Variants in SYT7 observed in about 807,000 individuals in gnomAD.
The protein encoded by SYT7 is synaptotagmin 7.
SYT7 carries 29 observed loss-of-function variants against 75.1 expected under a neutral mutation model. That is an observed-to-expected ratio of 0.39 (90% CI 0.29 to 0.53). The LOEUF is 0.53. Ranked by LOEUF, SYT7 falls within the 20% of genes least tolerant of loss-of-function variation. SYT7 has a pLI of 0.77. For synonymous variants in SYT7, 376 were observed against 401.7 expected, an observed-to-expected ratio of 0.94 and a Z score of 0.76; for missense variants, 693 against 953.2, an observed-to-expected ratio of 0.73 and a Z score of 3.59.
intron 1 of SYT7, among the ~76,000 whole-genome samples, chr11:61,562,691 CA>C (rs1450940054): frequency 6.6e-6 from 1 of 152,106 alleles, no homozygotes; most frequent in Non-Finnish European, 1.5e-5. Context: ...AGGGCTTGAC[CA>C]AAGCAAGCAT....
chr11:61,555,303 GC>G (rs2063464393), intron 2 of SYT7, among the ~76,000 whole-genome samples: 2 of 152,284 alleles, frequency 1.3e-5, no homozygotes, highest in South Asian at 4.1e-4. Flanking sequence ...GCCCACCGTC[GC>G]CCCCCTCGCC....
chr11:61,583,343 T>G (rs891703901), upstream of SYT7, among the ~76,000 whole-genome samples: 2 of 152,058 alleles, frequency 1.3e-5, no homozygotes, highest in African/African-American at 4.8e-5. Context: ...AATCTGAAAG[T>G]CCAGAGAGGG....
chr11:61,579,828 C>A (rs1250510775), intron 1 of SYT7, among the ~76,000 whole-genome samples: 1 of 152,194 alleles, frequency 6.6e-6, no homozygotes, highest in Non-Finnish European at 1.5e-5. Context: ...CAGAAACAGA[C>A]CCTGATGCCA....
chr11:61,536,669 TG>T (rs1439862469), intron 7 of SYT7, among the ~76,000 whole-genome samples: 5 of 152,218 alleles, frequency 3.3e-5, no homozygotes, highest in Non-Finnish European at 5.9e-5. Context: ...CCCCACTCTC[TG>T]GGGACTTTCA....
chr11:61,558,602 C>T (rs1438629449), intron 1 of SYT7, among the ~76,000 whole-genome samples: 1 of 152,110 alleles, frequency 6.6e-6, no homozygotes, highest in Non-Finnish European at 1.5e-5. Context: ...GGAACTACCA[C>T]TCCAGTGGGG....
chr11:61,544,665 A>G (rs377279311), intron 5 of SYT7, among the ~76,000 whole-genome samples: 4 of 152,292 alleles, frequency 2.6e-5, no homozygotes, highest in African/African-American at 9.6e-5. Context: ...ACAACCTCTC[A>G]GTCACAGGAA....
In SYT7 at chr11:61,548,864, C is replaced by G. The variant is rs192663575; in HGVS notation, c.216-1556G>C. ...GCATCCCTGCTGTAGACAGATTTCT[C>G]TGTCCAGAGTAGACCTTGGAAATGT... On this transcript the variant is annotated intron_variant, in intron 3 of 12. Coordinates refer to ENST00000539008, the MANE Select transcript of SYT7 (RefSeq NM_001365809.2). 3.0e-3 allele frequency among the ~76,000 whole-genome samples: 461 copies of G among 152,354 alleles called. 8 individuals are homozygous for G. In the South Asian group the frequency reaches 0.037, roughly 12 times the overall value.
intron 3 of SYT7, among the ~76,000 whole-genome samples, chr11:61,549,731 GT>G (rs1250994739): frequency 3.3e-5 from 5 of 152,238 alleles, no homozygotes; most frequent in African/African-American, 1.2e-4. Flanking sequence ...GGCTAGGATT[GT>G]GAGTGCGGGG....
chr11:61,541,386 A>C, intron 6 of SYT7: 2 of 739,948 alleles, frequency 2.7e-6, no homozygotes, highest in Non-Finnish European at 3.3e-6. Context: ...AGTGGGGGGC[A>C]GATGTCCAGA....
At chr11:61,564,938 G>A in intron 1 of SYT7, among the ~76,000 whole-genome samples, 1 of 152,220 alleles carries the variant, frequency 6.6e-6, no homozygotes, top group East Asian at 1.9e-4. Context: ...GGACAGTCTA[G>A]GAGTGGGAAG....
chr11:61,536,673 G>A (rs888709856), intron 7 of SYT7, among the ~76,000 whole-genome samples: 1 of 152,310 alleles, frequency 6.6e-6, no homozygotes, highest in East Asian at 1.9e-4. Flanking sequence ...ACTCTCTGGG[G>A]ACTTTCAGCC....
intron 8 of SYT7, among the ~76,000 whole-genome samples, chr11:61,529,026 G>A (rs2062619140): frequency 6.6e-6 from 1 of 152,124 alleles, no homozygotes; most frequent in Non-Finnish European, 1.5e-5. Flanking sequence ...CCAGCCACGT[G>A]TCTGAACCTG....
At chr11:61,582,716 G>A (rs1294213710), upstream of SYT7, among the ~76,000 whole-genome samples, 2 of 152,114 alleles carry the variant, frequency 1.3e-5, no homozygotes, top group African/African-American at 2.4e-5. Flanking sequence ...AGAAATCTCA[G>A]CCCTCACCCT....
intron 3 of SYT7, among the ~76,000 whole-genome samples, chr11:61,548,707 G>A (rs544962855): frequency 5.9e-5 from 9 of 152,272 alleles, no homozygotes; most frequent in Non-Finnish European, 1.0e-4. Flanking sequence ...ATGTTCTTGC[G>A]GGACCTGCTT....
intron 3 of SYT7, among the ~76,000 whole-genome samples, chr11:61,550,712 A>C (rs1033042055): frequency 1.3e-5 from 2 of 151,764 alleles, no homozygotes; most frequent in African/African-American, 2.4e-5. Flanking sequence ...TGGGTGGGGG[A>C]CTTCTCTTGG....
chr11:61,572,557 T>A (rs575255933), intron 1 of SYT7, among the ~76,000 whole-genome samples: 1 of 152,266 alleles, frequency 6.6e-6, no homozygotes, highest in South Asian at 2.1e-4. Context: ...CCTCTCTGAG[T>A]CTCCGTTTCC....
intron 1 of SYT7, among the ~76,000 whole-genome samples, chr11:61,562,674 G>A (rs2063668995): frequency 6.6e-6 from 1 of 152,122 alleles, no homozygotes; most frequent in Non-Finnish European, 1.5e-5. Context: ...ACCCTCCCAG[G>A]ACCTGCAGGG....
At chr11:61,547,104 G>C in intron 4 of SYT7, 73 bp downstream of exon 4, 1 of 1,492,316 alleles carries the variant, frequency 6.7e-7, no homozygotes, top group Non-Finnish European at 8.9e-7. Flanking sequence ...AGAGGTGGGT[G>C]GGGGCAGGAG....
intron 3 of SYT7, among the ~76,000 whole-genome samples, chr11:61,550,503 C>T (rs775489536): frequency 1.2e-4 from 19 of 152,168 alleles, no homozygotes; most frequent in South Asian, 2.1e-4. Context: ...AGGGATGGGG[C>T]GCTCGGCTTC....
Sources: gnomAD v4.1 joint callset for allele counts (sites outside exome capture counted in the v4.1 genomes callset) on GRCh38, gnomAD v4.1.1 for gene constraint, MANE v1.5 for transcripts, NCBI Gene and HGNC (gene_info 2026-07-23, HGNC 2026-07-21) for gene names.